NAV3: variants seen among roughly 807,000 people sequenced by gnomAD.
The protein encoded by NAV3 is neuron navigator 3.
A neutral mutation model predicts 244.7 loss-of-function variants in NAV3; 87 were observed. The ratio of observed to expected loss-of-function variants is 0.36; its 90% CI spans 0.30 to 0.42. The LOEUF is 0.42. Ranked by LOEUF, NAV3 falls within the 20% of genes least tolerant of loss-of-function variation. The pLI is 1.00. For synonymous variants in NAV3, 1,126 were observed against 1,042.2 expected (o/e 1.08, Z -1.55); for missense variants, 2,663 against 2,893.3 (o/e 0.92, Z 1.83).
At chr12:77,622,319 C>T (rs951247399) in intron 2 of NAV3, among the ~76,000 whole-genome samples, 1 of 152,070 alleles carries the variant, frequency 6.6e-6, no homozygotes, top group Non-Finnish European at 1.5e-5. Flanking sequence ...GCCACCACAC[C>T]CGGATAATTT....
intron 2 of NAV3, among the ~76,000 whole-genome samples, chr12:77,781,531 C>T (rs1247243377): frequency 1.3e-5 from 2 of 152,122 alleles, no homozygotes; most frequent in African/African-American, 4.8e-5. Context: ...TTTGAGTTGT[C>T]CTGCCTTTCC....
intron 12 of NAV3, among the ~76,000 whole-genome samples, chr12:78,069,991 T>C (rs2137600267): frequency 6.6e-6 from 1 of 152,224 alleles, no homozygotes; most frequent in South Asian, 2.1e-4. Context: ...AGATAGATGA[T>C]AAAACCTTTT....
In NAV3 at chr12:77,876,315, T is replaced by C. The variant is rs1881839848; in HGVS notation, c.243+44611T>C. Among the ~76,000 whole-genome samples the C allele has an allele frequency of 3.3e-5, 5 of 152,208 alleles. No individual in the cohort carries two copies. The South Asian group carries it at 1.0e-3, about 32-fold the overall frequency. ...GCTAATGTGCAATAAGACTTCTATA[T>C]AGCTCTAACTTTTGACAGAGTTTAA... is the stretch of plus-strand genomic sequence containing the variant. On this transcript the variant is annotated intron_variant, in intron 1 of 39. Coordinates refer to ENST00000397909, the MANE Select transcript of NAV3 (RefSeq NM_001024383.2).
chr12:78,193,924 T>C (rs1321179372), intron 34 of NAV3, among the ~76,000 whole-genome samples: 1 of 152,068 alleles, frequency 6.6e-6, no homozygotes, highest in Non-Finnish European at 1.5e-5. Flanking sequence ...TTTCTGACAT[T>C]CATGTTATCA....
Position 77,795,944 on chromosome 12 carries a change from G to A in NAV3, c.73-144375G>A, listed in dbSNP as rs187547732. Among the ~76,000 whole-genome samples the A allele has an allele frequency of 5.9e-5, 9 of 152,256 alleles. No homozygotes were observed. In the East Asian group the frequency reaches 1.5e-3, roughly 26 times the overall value. On this transcript the variant is annotated intron_variant, in intron 2 of 8. Coordinates refer to the NAV3 transcript ENST00000550042. ...CATTTTCAAAATATTATGACTCATT[G>A]ACAATCCACTCAGTAATTCCGCAGC...
intron 2 of NAV3, among the ~76,000 whole-genome samples, chr12:77,634,018 A>C (rs919636932): frequency 3.2e-4 from 49 of 152,108 alleles, no homozygotes; most frequent in African/African-American, 1.1e-3. Context: ...ATTTATCAGT[A>C]AGTGTTTAAT....
intron 2 of NAV3, among the ~76,000 whole-genome samples, chr12:77,649,528 T>C (rs1001945104): frequency 6.6e-6 from 1 of 152,142 alleles, no homozygotes; most frequent in African/African-American, 2.4e-5. Flanking sequence ...TTATCTTTGA[T>C]TCTAAAAGTA....
At chr12:77,649,822 A>G (rs711128) in intron 2 of NAV3, among the ~76,000 whole-genome samples, 24,848 of 152,036 alleles carry the variant, frequency 0.16, 3,222 homozygotes, top group African/African-American at 0.36. Context: ...TTTTTAAGTG[A>G]CAATCTCTAC....
intron 30 of NAV3, among the ~76,000 whole-genome samples, chr12:78,183,155 G>T (rs1958569260): frequency 6.6e-6 from 1 of 151,780 alleles, no homozygotes; most frequent in Admixed American, 6.6e-5. Context: ...TTATTTTCTA[G>T]TAAAAAACAA....
At chr12:77,790,071 ACTTCT>A (rs1250514390) in intron 2 of NAV3, among the ~76,000 whole-genome samples, 1 of 152,110 alleles carries the variant, frequency 6.6e-6, no homozygotes, top group Non-Finnish European at 1.5e-5. Flanking sequence ...CCCCTGTGAA[ACTTCT>A]CTTACCACCA....
At chr12:78,206,264 G>A (rs1054789635) in intron 39 of NAV3, among the ~76,000 whole-genome samples, 4 of 152,038 alleles carry the variant, frequency 2.6e-5, no homozygotes, top group African/African-American at 9.7e-5. Flanking sequence ...TTTATAACAT[G>A]GTACCTGGCC....
intron 15 of NAV3, among the ~76,000 whole-genome samples, chr12:78,121,570 A>C (rs1382655917): frequency 6.6e-6 from 1 of 151,748 alleles, no homozygotes; most frequent in Non-Finnish European, 1.5e-5. Context: ...AATGCGTAGA[A>C]GTTGTTTCAT....
chr12:77,577,488 G>A (rs1463341361), intron 2 of NAV3, among the ~76,000 whole-genome samples: 1 of 152,082 alleles, frequency 6.6e-6, no homozygotes, highest in African/African-American at 2.4e-5. Flanking sequence ...AAGTGAATGG[G>A]ACATATGCAT....
At position 78,177,307 on chromosome 12, in the gene NAV3, C is replaced by T. The variant is rs200666564; in HGVS notation, c.5291C>T (p.Ala1764Val). Residue 1764 changes from alanine to valine, a missense_variant, in exon 27 of 40, where the codon GCT becomes GTT. Physicochemically the swap from Ala to Val is moderately conservative, Grantham distance 64 (BLOSUM62 0). This residue lies in a region of NAV3 where 193 missense variants were observed against 200.7 expected (regional missense o/e 0.96). Coordinates refer to ENST00000397909, the MANE Select transcript of NAV3 (RefSeq NM_001024383.2). ...GSASMKPSQS[A>V]SASPLVWPPK... Reference sequence around the variant, plus strand: ...GCATCCATGAAGCCCTCACAATCTGCTTCAGCGTAAGTTGCTCCTTCTGCA... The same window carrying T: ...GCATCCATGAAGCCCTCACAATCTGTTTCAGCGTAAGTTGCTCCTTCTGCA... 2.6e-5 allele frequency: 42 copies of T among 1,607,674 alleles called. No homozygotes were observed. The highest frequency in any genetic ancestry group is 3.6e-5 in the Non-Finnish European group (42 of 1,178,322).
At chr12:78,053,104 T>C (rs1882995840) in intron 11 of NAV3, among the ~76,000 whole-genome samples, 1 of 151,662 alleles carries the variant, frequency 6.6e-6, no homozygotes, top group Non-Finnish European at 1.5e-5. Flanking sequence ...TCCCAGCTAC[T>C]TGGGAGGCTG....
At chr12:77,902,553 A>C (rs1025697414) in intron 1 of NAV3, among the ~76,000 whole-genome samples, 1 of 152,134 alleles carries the variant, frequency 6.6e-6, no homozygotes, top group Non-Finnish European at 1.5e-5. Context: ...ATGGGCAAAA[A>C]CTGGAAGCAT....
At chr12:77,918,152 A>AT (rs1181986783) in intron 1 of NAV3, among the ~76,000 whole-genome samples, 1 of 152,078 alleles carries the variant, frequency 6.6e-6, no homozygotes, top group Non-Finnish European at 1.5e-5. Flanking sequence ...TAACTGTGAT[A>AT]TTACACTCTT....
intron 5 of NAV3, among the ~76,000 whole-genome samples, chr12:77,990,346 G>A (rs904327099): frequency 6.6e-6 from 1 of 152,206 alleles, no homozygotes. Flanking sequence ...ACAGGAAATA[G>A]GTCATCTGTT....
Position 78,078,375 on chromosome 12 carries a change from CTTTTTTTTTTTTTTTTTTTTTTTTTTT to C in NAV3, c.2636+19272_2636+19298del, listed in dbSNP as rs71088356. 4.4e-5 allele frequency among the ~76,000 whole-genome samples: 3 copies of C among 67,808 alleles called. No homozygotes were observed. The East Asian group carries it at 1.3e-3, about 29-fold the overall frequency. 44.5% of individuals were successfully genotyped at this position (67,808 alleles called of 152,430 possible). ...AGAGTTGCATTTCACTCTTTCCACT[CTTTTTTTTTTTTTTTTTTTTTTTTTTT>C]TTTTTTTTTTTGAGACGGAGTCTCG... On this transcript the variant is annotated intron_variant, in intron 12 of 39. Coordinates refer to ENST00000397909, the MANE Select transcript of NAV3 (RefSeq NM_001024383.2).
Sources: allele counts gnomAD v4.1 joint callset (sites outside exome capture counted in the v4.1 genomes callset), GRCh38; gene constraint gnomAD v4.1.1; regional missense constraint gnomAD v4.1.1; transcripts MANE v1.5; gene names NCBI Gene and HGNC (gene_info 2026-07-23, HGNC 2026-07-21).